MCTP2: variants seen among roughly 807,000 people sequenced by gnomAD.
MCTP2 encodes the protein multiple C2 and transmembrane domain-containing protein 2.
A neutral mutation model predicts 111.6 loss-of-function variants in MCTP2; 132 were observed. That is an observed-to-expected ratio of 1.18 (90% CI 1.03 to 1.37). The LOEUF (loss-of-function observed/expected upper bound fraction) is 1.37, where lower values mean the gene tolerates loss of function less well. Ranked by LOEUF, MCTP2 falls within the 40% of genes most tolerant of loss-of-function variation. The pLI is 0.00. For missense variants in MCTP2, 1,183 were observed against 1,067.9 expected (o/e 1.11, Z -1.50); for synonymous variants, 395 against 387.7 (o/e 1.02, Z -0.22).
chr15:94,291,373 T>A (rs1160762588), intron 1 of MCTP2, among the ~76,000 whole-genome samples: 3 of 152,058 alleles, frequency 2.0e-5, no homozygotes, highest in Non-Finnish European at 4.4e-5. Flanking sequence ...GAGGCCGAGG[T>A]GGGTGGATCA....
chr15:94,348,486 C>A, intron 8 of MCTP2, among the ~76,000 whole-genome samples: 1 of 45,374 alleles, frequency 2.2e-5, no homozygotes, highest in Non-Finnish European at 4.5e-5. Context: ...TCCTCTCTCT[C>A]TGTCTTCCTC....
At chr15:94,297,261 A>G (rs1596293775) in intron 1 of MCTP2, among the ~76,000 whole-genome samples, 2 of 152,166 alleles carry the variant, frequency 1.3e-5, no homozygotes, top group East Asian at 1.9e-4. Flanking sequence ...ATCCCAAATC[A>G]CCACTTTCCT....
intron 17 of MCTP2, among the ~76,000 whole-genome samples, chr15:94,436,567 A>T (rs72751345): frequency 0.14 from 21,205 of 152,082 alleles, 1,549 homozygotes; most frequent in East Asian, 0.25. Flanking sequence ...GTTGTAAAAC[A>T]TTTCTAGGAT....
intron 17 of MCTP2, among the ~76,000 whole-genome samples, chr15:94,434,652 C>G (rs1034552210): frequency 6.6e-6 from 1 of 151,962 alleles, no homozygotes; most frequent in Non-Finnish European, 1.5e-5. Context: ...ACATTGGCAA[C>G]TTTCTTAAAA....
intron 4 of MCTP2, among the ~76,000 whole-genome samples, chr15:94,322,364 T>C (rs2076670310): frequency 6.6e-6 from 1 of 152,126 alleles, no homozygotes; most frequent in African/African-American, 2.4e-5. Context: ...GAAGGAGTTC[T>C]GCATTTTCTT....
intron 17 of MCTP2, 75 bp from the exon 18 acceptor site, chr15:94,440,101 T>A (rs2152509752): frequency 6.5e-7 from 1 of 1,539,110 alleles, no homozygotes; most frequent in South Asian, 1.2e-5. Flanking sequence ...TCTCCTTACA[T>A]CAATGAGTAG....
intron 12 of MCTP2, 94 bp from the exon 13 acceptor site, chr15:94,383,928 C>A (rs936447402): frequency 8.8e-6 from 8 of 904,996 alleles, no homozygotes; most frequent in Non-Finnish European, 1.2e-5. Flanking sequence ...TTCCCTCTTT[C>A]AGCAAGCACA....
At chr15:94,334,122 C>G (rs920621638) in intron 4 of MCTP2, among the ~76,000 whole-genome samples, 4 of 152,188 alleles carry the variant, frequency 2.6e-5, no homozygotes, top group African/African-American at 9.7e-5. Flanking sequence ...TGATACTAAA[C>G]ATAGCATTCG....
At chr15:94,388,480 T>C (rs1412683549) in intron 14 of MCTP2, among the ~76,000 whole-genome samples, 1 of 152,240 alleles carries the variant, frequency 6.6e-6, no homozygotes, top group African/African-American at 2.4e-5. Context: ...TATCTAATAT[T>C]AGATATAAAT....
At chr15:94,379,773 G>A (rs918282187) in intron 12 of MCTP2, among the ~76,000 whole-genome samples, 5 of 142,306 alleles carry the variant, frequency 3.5e-5, no homozygotes, top group African/African-American at 8.1e-5. Flanking sequence ...TATATGATAT[G>A]TAATATATAA....
chr15:94,243,729 ATG>A (rs1491421433), intron 1 of MCTP2, among the ~76,000 whole-genome samples: 2 of 107,594 alleles, frequency 1.9e-5, no homozygotes, highest in Non-Finnish European at 4.0e-5. Context: ...ACACATACAT[ATG>A]TGTATACATA....
chr15:94,388,817 T>C (rs1394592018), intron 14 of MCTP2, among the ~76,000 whole-genome samples: 1 of 152,208 alleles, frequency 6.6e-6, no homozygotes, highest in African/African-American at 2.4e-5. Flanking sequence ...TAGTAAGTAA[T>C]AGAGACAGGA....
intron 1 of MCTP2, among the ~76,000 whole-genome samples, chr15:94,242,662 G>A (rs2071061511): frequency 6.6e-6 from 1 of 151,572 alleles, no homozygotes; most frequent in African/African-American, 2.4e-5. Context: ...TATTTTTAGA[G>A]ATGAGACACT....
chr15:94,237,334 G>A (rs2070639541), intron 1 of MCTP2, among the ~76,000 whole-genome samples: 1 of 151,982 alleles, frequency 6.6e-6, no homozygotes. Flanking sequence ...TTTGGCCTTT[G>A]AGATATTTGA....
intron 17 of MCTP2, chr15:94,402,882 T>C (rs368790144): frequency 1.1e-5 from 12 of 1,121,084 alleles, no homozygotes; most frequent in Middle Eastern, 3.9e-4. Flanking sequence ...GTCATGATCA[T>C]TGGTGAATCT....
chr15:94,434,232 G>A (rs547407272), intron 17 of MCTP2, among the ~76,000 whole-genome samples: 1 of 151,966 alleles, frequency 6.6e-6, no homozygotes, highest in South Asian at 2.1e-4. Context: ...CTCCCAAGTA[G>A]CTGAGACTTG....
chr15:94,335,294 A>AG (rs1434443844), intron 4 of MCTP2, among the ~76,000 whole-genome samples: 1 of 140,524 alleles, frequency 7.1e-6, no homozygotes, highest in Admixed American at 7.4e-5. Flanking sequence ...GTAAAAAAAG[A>AG]AAAGAATATA....
chr15:94,330,922 G>A (rs2077105862), intron 4 of MCTP2, among the ~76,000 whole-genome samples: 1 of 151,810 alleles, frequency 6.6e-6, no homozygotes, highest in South Asian at 2.1e-4. Flanking sequence ...TTTTGTAGAG[G>A]TTGGATTTTG....
chr15:94,355,462 G>A (rs1445922289), intron 8 of MCTP2, among the ~76,000 whole-genome samples: 3 of 152,336 alleles, frequency 2.0e-5, no homozygotes, highest in South Asian at 2.1e-4. Context: ...AGGTATGTAT[G>A]AGTGTGAGTA....
Sources: allele counts gnomAD v4.1 joint callset (sites outside exome capture counted in the v4.1 genomes callset), GRCh38; gene constraint gnomAD v4.1.1; transcripts MANE v1.5; gene names NCBI Gene and HGNC (gene_info 2026-07-23, HGNC 2026-07-21).